The following USP47 variants were observed in gnomAD, a reference collection of about 807,000 sequenced individuals.
USP47 encodes the protein ubiquitin specific peptidase 47.
A neutral mutation model predicts 165.1 loss-of-function variants in USP47; 35 were observed. That is an observed-to-expected ratio of 0.21 (90% CI 0.16 to 0.28). The LOEUF (loss-of-function observed/expected upper bound fraction) is 0.28. USP47 is among the 10% of genes least tolerant of loss of function. The probability of loss-of-function intolerance (pLI) is 1.00; values close to 1 mark genes in which losing one functional copy is unlikely to be tolerated. For missense variants in USP47, 1,277 were observed against 1,607.4 expected, an observed-to-expected ratio of 0.79 and a Z score of 3.52; for synonymous variants, 531 against 544.5, an observed-to-expected ratio of 0.98 and a Z score of 0.35.
intron 17 of USP47, 144 bp from the exon 18 acceptor site, chr11:11,938,113 T>C (rs868023740): frequency 1.1e-5 from 7 of 628,168 alleles, no homozygotes; most frequent in African/African-American, 7.3e-5. Flanking sequence ...TAACTGGTGA[T>C]TTATATTTAT....
At chr11:11,919,067 G>A (rs1853637488) in intron 8 of USP47, among the ~76,000 whole-genome samples, 1 of 151,262 alleles carries the variant, frequency 6.6e-6, no homozygotes, top group South Asian at 2.1e-4. Context: ...GTTTCCTTGT[G>A]TTCTGAGAAC....
intron 20 of USP47, chr11:11,943,745 A>G (rs1215055133): frequency 6.6e-6 from 1 of 152,140 alleles, no homozygotes; most frequent in East Asian, 1.9e-4. Flanking sequence ...AAAATAAAAG[A>G]ACCTTTATAA....
chr11:11,930,674 A>G, intron 13 of USP47, 22 bp from the exon 14 acceptor site: 1 of 1,568,932 alleles, frequency 6.4e-7, no homozygotes, highest in South Asian at 1.2e-5. Flanking sequence ...GTCCTTATTA[A>G]TCTTTTTTAT....
At chr11:11,850,193 C>A (rs888687156) in intron 1 of USP47, among the ~76,000 whole-genome samples, 1 of 149,172 alleles carries the variant, frequency 6.7e-6, no homozygotes, top group African/African-American at 2.5e-5. Context: ...TTGATTTCCT[C>A]TCCTTCATTT....
At chr11:11,899,815 G>C (rs1180794629) in intron 5 of USP47, among the ~76,000 whole-genome samples, 1 of 152,182 alleles carries the variant, frequency 6.6e-6, no homozygotes, top group Admixed American at 6.5e-5. Flanking sequence ...AGAATAGAGT[G>C]AAGTTTATAG....
intron 1 of USP47, among the ~76,000 whole-genome samples, chr11:11,846,390 G>A (rs1848428360): frequency 6.6e-6 from 1 of 152,074 alleles, no homozygotes; most frequent in African/African-American, 2.4e-5. Flanking sequence ...AGGATAAGGT[G>A]CATATTTACT....
chr11:11,865,038 A>G (rs1248720456), intron 1 of USP47, among the ~76,000 whole-genome samples: 2 of 152,066 alleles, frequency 1.3e-5, no homozygotes, highest in South Asian at 2.1e-4. Context: ...TTTTACCCTT[A>G]TAGTTAAGAT....
At chr11:11,927,268 C>G (rs541645235) in intron 11 of USP47, among the ~76,000 whole-genome samples, 1 of 152,136 alleles carries the variant, frequency 6.6e-6, no homozygotes, top group Non-Finnish European at 1.5e-5. Flanking sequence ...CATGATATGC[C>G]TAAACATGGG....
At position 11,948,468 on chromosome 11, in the gene USP47, T is replaced by C. The variant is rs1392349923; in HGVS notation, c.3268-10T>C. 1 of 1,606,564 alleles carries C rather than the reference T, an allele frequency of 6.2e-7. No individual in the cohort carries two copies. Among genetic ancestry groups the C allele is most frequent in the Admixed American group, 1.7e-5 (1 of 59,710 alleles). On this transcript the variant is annotated splice_polypyrimidine_tract_variant and intron_variant, in intron 21 of 27. Transcript: ENST00000527733. Reference sequence around the variant, plus strand: ...GACAGCATGTCTAAAAAAATGTTTTTAACTTATAGATTACAATTAGACTGG... The same window carrying C: ...GACAGCATGTCTAAAAAAATGTTTTCAACTTATAGATTACAATTAGACTGG...
intron 11 of USP47, among the ~76,000 whole-genome samples, chr11:11,929,006 C>T (rs1465431230): frequency 6.6e-6 from 1 of 151,844 alleles, no homozygotes; most frequent in Admixed American, 6.6e-5. Context: ...GAAGATGTTC[C>T]AAATAATTAT....
At chr11:11,886,567 A>C (rs556590184) in intron 3 of USP47, among the ~76,000 whole-genome samples, 1 of 152,322 alleles carries the variant, frequency 6.6e-6, no homozygotes, top group East Asian at 1.9e-4. Context: ...AGGAATGAAC[A>C]AAACCTCCAA....
intron 8 of USP47, among the ~76,000 whole-genome samples, chr11:11,910,155 C>CTA (rs1272989633): frequency 6.6e-6 from 1 of 152,138 alleles, no homozygotes; most frequent in African/African-American, 2.4e-5. Context: ...ATTCCTCCCA[C>CTA]TAAAACAACT....
chr11:11,842,678 G>A lies in USP47; in HGVS notation c.39+454G>A, dbSNP rs753333002. Among the ~76,000 whole-genome samples, 3 of 152,140 alleles carry A rather than the reference G, an allele frequency of 2.0e-5. No individual in the cohort carries two copies. In the South Asian group the frequency reaches 6.2e-4, roughly 31 times the overall value. ...ATCTACACCCAAGTGAGATCTGTGG[G>A]AGGGCAGACTTAACTGTTACGACTT... On this transcript the variant is annotated intron_variant, in intron 1 of 27. Transcript: ENST00000527733.
rs79406501 is a variant in USP47, at chr11:11,892,217, C to T, written c.496+111C>T. On this transcript the variant is annotated intron_variant, in intron 4 of 27. Transcript: ENST00000527733. Reference sequence around the variant, plus strand: ...TGGATAAGAAAACTGAGACCTAGAGCAGGAGTACTAGCTAGCAGCCGCAAA... The same window carrying T: ...TGGATAAGAAAACTGAGACCTAGAGTAGGAGTACTAGCTAGCAGCCGCAAA... The T allele has an allele frequency of 0.02, 24,301 of 1,231,486 alleles. 1,378 individuals carry two copies. Among genetic ancestry groups the T allele is most frequent in the African/African-American group, 0.18 (11,670 of 65,584 alleles). The allele number at this position is 1,231,486 out of a possible 1,614,324, so 76.3% of individuals were successfully genotyped here.
intron 5 of USP47, among the ~76,000 whole-genome samples, chr11:11,900,456 G>A (rs764240630): frequency 2.0e-4 from 30 of 152,126 alleles, no homozygotes; most frequent in South Asian, 1.0e-3. Context: ...CACCGCGCCC[G>A]GCCTATTTTC....
At chr11:11,911,206 A>C (rs144543380) in intron 8 of USP47, among the ~76,000 whole-genome samples, 98 of 152,314 alleles carry the variant, frequency 6.4e-4, no homozygotes, top group African/African-American at 2.3e-3. Flanking sequence ...GACTGAAAAA[A>C]ATATATATCC....
At position 11,943,134 on chromosome 11, in the gene USP47, C is replaced by T. The variant is rs73413248; in HGVS notation, c.3091+22C>T. 7,336 of 1,572,402 alleles carry T rather than the reference C, an allele frequency of 4.7e-3. 281 individuals are homozygous for T. In the African/African-American group the frequency reaches 0.088, roughly 19 times the overall value. On this transcript the variant is annotated intron_variant, in intron 20 of 27. Coordinates refer to ENST00000527733, the MANE Select transcript of USP47 (RefSeq NM_001282659.2). Reference sequence around the variant, plus strand: ...AAATGTATGTACTTCAAAAGAAAAACGGTCCTTGAAACAGCATCAGTTTTT... The same window carrying T: ...AAATGTATGTACTTCAAAAGAAAAATGGTCCTTGAAACAGCATCAGTTTTT...
chr11:11,928,243 TG>T (rs1854400899), intron 11 of USP47, among the ~76,000 whole-genome samples: 1 of 152,090 alleles, frequency 6.6e-6, no homozygotes, highest in African/African-American at 2.4e-5. Context: ...TTTAATAACA[TG>T]GGGTTACCAC....
intron 5 of USP47, among the ~76,000 whole-genome samples, chr11:11,900,214 AG>A (rs1852122565): frequency 7.6e-6 from 1 of 132,128 alleles, no homozygotes; most frequent in South Asian, 2.3e-4. Context: ...GCTGGAGTGC[AG>A]TGGCGCGATC....
Sources: allele counts gnomAD v4.1 joint callset (sites outside exome capture counted in the v4.1 genomes callset), GRCh38; gene constraint gnomAD v4.1.1; transcripts MANE v1.5; gene names NCBI Gene and HGNC (gene_info 2026-07-23, HGNC 2026-07-21).